Variants in MID1 observed in about 807,000 individuals in gnomAD.
MID1 encodes the protein midline 1.
A neutral mutation model predicts 40.4 loss-of-function variants in MID1; 7 were observed. That is an observed-to-expected ratio of 0.17 (90% CI 0.10 to 0.33). The LOEUF (loss-of-function observed/expected upper bound fraction) is 0.33, where lower values mean the gene tolerates loss of function less well. Ranked by LOEUF, MID1 falls within the 10% of genes least tolerant of loss-of-function variation. The probability of loss-of-function intolerance (pLI) is 1.00; values close to 1 mark genes in which losing one functional copy is unlikely to be tolerated. For missense variants in MID1, 367 were observed against 558.5 expected (o/e 0.66, Z 3.46); for synonymous variants, 229 against 221.2 (o/e 1.04, Z -0.31).
At chrX:10,723,586 C>T (rs2043371436) in intron 1 of MID1, among the ~76,000 whole-genome samples, 1 of 113,355 alleles carries the variant, frequency 8.8e-6, no homozygotes, top group Non-Finnish European at 1.9e-5. Context: ...GAGTCTCGCT[C>T]TGCCGCCCAG....
chrX:10,516,560 T>TGTGTG (rs1932427244), intron 3 of MID1, among the ~76,000 whole-genome samples: 93 of 73,364 alleles, frequency 1.3e-3, no homozygotes, highest in Non-Finnish European at 1.9e-3. Flanking sequence ...TACTCTGCTC[T>TGTGTG]TGTGTGTGTG....
chrX:10,821,035 G>A (rs901936357), intron 1 of MID1, among the ~76,000 whole-genome samples: 12 of 112,355 alleles, frequency 1.1e-4, no homozygotes, highest in Non-Finnish European at 1.5e-4. Context: ...TCACATGCAA[G>A]CTGTAAGCCT....
At chrX:10,801,071 T>C (rs947251158) in intron 1 of MID1, among the ~76,000 whole-genome samples, 2 of 110,954 alleles carry the variant, frequency 1.8e-5, no homozygotes, top group African/African-American at 6.6e-5. Context: ...GAGCTTTTAT[T>C]TTTTGATGAA....
At position 10,541,861 on chromosome X, in the gene MID1, C is replaced by T. The variant is rs971678461; in HGVS notation, c.661-18674G>A. ...GGGGCTTCAAGGGATAAGCACCTTA[C>T]GCTGAAGTCTTTGGGGACCCCCATT... is the stretch of plus-strand genomic sequence containing the variant. On this transcript the variant is annotated intron_variant, in intron 2 of 9. Coordinates refer to ENST00000317552, the MANE Select transcript of MID1 (RefSeq NM_000381.4). Among the ~76,000 whole-genome samples the T allele has an allele frequency of 6.3e-5, 7 of 111,845 alleles. No homozygotes were observed. In the East Asian group the frequency reaches 1.7e-3, roughly 27 times the overall value.
chrX:10,513,330 T>C (rs1439129986), intron 3 of MID1, among the ~76,000 whole-genome samples: 1 of 111,964 alleles, frequency 8.9e-6, no homozygotes, highest in Non-Finnish European at 1.9e-5. Context: ...GATTGATTGT[T>C]AGGATTATTC....
At chrX:10,512,691 G>A (rs774662103) in intron 3 of MID1, among the ~76,000 whole-genome samples, 1 of 112,239 alleles carries the variant, frequency 8.9e-6, no homozygotes, top group African/African-American at 3.2e-5. Context: ...CAATCCTATG[G>A]AAATTGACAG....
chrX:10,667,311 G>C lies in MID1; in HGVS notation c.-186-46892C>G, dbSNP rs147107231. 5.4e-5 allele frequency among the ~76,000 whole-genome samples: 6 copies of C among 111,341 alleles called. No homozygotes were observed. In the East Asian group the frequency reaches 1.7e-3, roughly 32 times the overall value. On this transcript the variant is annotated intron_variant, in intron 1 of 10. Transcript: ENST00000380785. ...AACAAGACCTACATGAGTGGGGGTGGGGTAAAGGCACCTCGGAGTGCATGC... is the reference window on the plus strand; with the variant it reads ...AACAAGACCTACATGAGTGGGGGTGCGGTAAAGGCACCTCGGAGTGCATGC...
chrX:10,453,179 A>C (rs1280072894), intron 9 of MID1, among the ~76,000 whole-genome samples: 1 of 111,502 alleles, frequency 9.0e-6, no homozygotes, highest in Non-Finnish European at 1.9e-5. Flanking sequence ...GGATAGCAAC[A>C]AAGGAAAACC....
At position 10,572,219 on chromosome X, in the gene MID1, CATAT is replaced by C. The variant is rs33986039; in HGVS notation, c.-56-4620_-56-4617del. Among the ~76,000 whole-genome samples, 4 of 100,667 alleles carry C rather than the reference CATAT, an allele frequency of 4.0e-5. No individual in the cohort carries two copies. The South Asian group carries it at 1.8e-3, about 45-fold the overall frequency. 87.4% of individuals were successfully genotyped at this position (100,667 alleles called of 115,157 possible). On this transcript the variant is annotated intron_variant, in intron 1 of 9. Coordinates refer to ENST00000317552, the MANE Select transcript of MID1 (RefSeq NM_000381.4). Reference sequence around the variant, plus strand: ...ACACACACACACACACACACACACACATATATATATAGCTTACATTGTTATTTAT... The same window carrying C: ...ACACACACACACACACACACACACACATATATAGCTTACATTGTTATTTAT...
At chrX:10,531,606 TA>T (rs1366274348) in intron 2 of MID1, among the ~76,000 whole-genome samples, 41 of 112,758 alleles carry the variant, frequency 3.6e-4, no homozygotes, top group African/African-American at 1.3e-3. Context: ...CATATATTTA[TA>T]AATTCCATCA....
intron 9 of MID1, among the ~76,000 whole-genome samples, chrX:10,451,537 G>GTCA (rs1336230262): frequency 9.0e-6 from 1 of 111,351 alleles, no homozygotes; most frequent in Non-Finnish European, 1.9e-5. Context: ...GGTCTCAAAT[G>GTCA]TCATCTGTTT....
intron 1 of MID1, among the ~76,000 whole-genome samples, chrX:10,608,826 T>C (rs1400182646): frequency 8.9e-6 from 1 of 112,003 alleles, no homozygotes; most frequent in Non-Finnish European, 1.9e-5. Flanking sequence ...CTACCTTTTG[T>C]ATTTACTGCT....
intron 1 of MID1, among the ~76,000 whole-genome samples, chrX:10,800,691 T>G (rs1016457585): frequency 8.9e-6 from 1 of 111,826 alleles, no homozygotes; most frequent in African/African-American, 3.3e-5. Flanking sequence ...GAAAATTGGC[T>G]AAAAACAATA....
In MID1 at chrX:10,640,628, T is replaced by C. The variant is rs764666796; in HGVS notation, c.-186-20209A>G. 2.0e-3 allele frequency among the ~76,000 whole-genome samples: 226 copies of C among 111,015 alleles called. 1 individual carries two copies. Among genetic ancestry groups the C allele is most frequent in the African/African-American group, 7.2e-3 (219 of 30,496 alleles). Reference sequence around the variant, plus strand: ...CAACAAGACAGAAAGTTAACAAGGATATCCAGGAATTGAACTCAGCTCTGC... The same window carrying C: ...CAACAAGACAGAAAGTTAACAAGGACATCCAGGAATTGAACTCAGCTCTGC... On this transcript the variant is annotated intron_variant, in intron 1 of 10. Transcript: ENST00000380785.
At position 10,762,638 on chromosome X, in the gene MID1, T is replaced by C. The variant is rs1311027468; in HGVS notation, c.-187+70916A>G. 2.7e-5 allele frequency among the ~76,000 whole-genome samples: 3 copies of C among 111,162 alleles called. No individual in the cohort carries two copies. In the East Asian group the frequency reaches 8.5e-4, roughly 31 times the overall value. On this transcript the variant is annotated intron_variant, in intron 1 of 10. Transcript: ENST00000380785. ...TTTGTAGAGACAAGGTTTTGCCATG[T>C]TGCCCAGGCTGGTCTCAAACTCCTG...
chrX:10,795,702 C>T (rs2043962401), intron 1 of MID1, among the ~76,000 whole-genome samples: 1 of 112,262 alleles, frequency 8.9e-6, no homozygotes, highest in South Asian at 3.7e-4. Flanking sequence ...AAAAACAAGT[C>T]GTTTGTCTCT....
intron 1 of MID1, among the ~76,000 whole-genome samples, chrX:10,579,211 G>A (rs1448098759): frequency 8.9e-6 from 1 of 112,025 alleles, no homozygotes; most frequent in Non-Finnish European, 1.9e-5. Context: ...ACCTGGAAAT[G>A]AGCAAAATGA....
intron 1 of MID1, among the ~76,000 whole-genome samples, chrX:10,752,900 G>GCAAATCCC (rs1470962406): frequency 8.9e-6 from 1 of 112,287 alleles, no homozygotes; most frequent in Non-Finnish European, 1.9e-5. Flanking sequence ...TACCTGTCGT[G>GCAAATCCC]CAAATCCCCT....
At chrX:10,631,840 T>C (rs1936056072) in intron 1 of MID1, among the ~76,000 whole-genome samples, 1 of 112,151 alleles carries the variant, frequency 8.9e-6, no homozygotes, top group East Asian at 2.8e-4. Flanking sequence ...GCATGGAGAC[T>C]TTTTTTCTGT....
Sources: allele counts gnomAD v4.1 joint callset (sites outside exome capture counted in the v4.1 genomes callset), GRCh38; gene constraint gnomAD v4.1.1; transcripts MANE v1.5; gene names NCBI Gene and HGNC (gene_info 2026-07-23, HGNC 2026-07-21).